SYT1: variants seen among roughly 807,000 people sequenced by gnomAD.
SYT1 encodes the protein synaptotagmin-1.
A neutral mutation model predicts 44.8 loss-of-function variants in SYT1; 8 were observed. The ratio of observed to expected loss-of-function variants is 0.18; its 90% confidence interval spans 0.10 to 0.32. The LOEUF (loss-of-function observed/expected upper bound fraction) is 0.32. SYT1 is among the 10% of genes least tolerant of loss of function. The probability of loss-of-function intolerance (pLI) is 1.00; values close to 1 mark genes in which losing one functional copy is unlikely to be tolerated. For missense variants in SYT1, 286 were observed against 509.3 expected (o/e 0.56, Z 4.22); for synonymous variants, 154 against 188.8 (o/e 0.82, Z 1.51).
At chr12:79,066,586 C>T (rs1285463795) in intron 3 of SYT1, among the ~76,000 whole-genome samples, 2 of 151,746 alleles carry the variant, frequency 1.3e-5, no homozygotes, top group Non-Finnish European at 2.9e-5. Context: ...AATGGCATTA[C>T]CTTGCAGTAA....
At chr12:78,933,923 CAT>C (rs904415312) in intron 1 of SYT1, among the ~76,000 whole-genome samples, 8 of 152,000 alleles carry the variant, frequency 5.3e-5, no homozygotes, top group Non-Finnish European at 1.0e-4. Flanking sequence ...TTTCCAGAAA[CAT>C]AGGAATCTCA....
intron 2 of SYT1, among the ~76,000 whole-genome samples, chr12:79,024,116 T>C (rs1872370880): frequency 6.6e-6 from 1 of 151,720 alleles, no homozygotes; most frequent in African/African-American, 2.4e-5. Context: ...GGCAAACAGA[T>C]GGAAATGCAT....
At chr12:79,370,687 C>G (rs958237656) in intron 9 of SYT1, among the ~76,000 whole-genome samples, 1 of 151,974 alleles carries the variant, frequency 6.6e-6, no homozygotes. Flanking sequence ...GGCGTGAACC[C>G]GGGAGGCGGA....
At chr12:79,140,933 C>T (rs572745719) in intron 3 of SYT1, among the ~76,000 whole-genome samples, 5 of 152,228 alleles carry the variant, frequency 3.3e-5, no homozygotes, top group African/African-American at 1.2e-4. Context: ...CTCAGCTTGC[C>T]GACATCTGAA....
At chr12:78,875,495 G>A (rs1345285935) in intron 1 of SYT1, among the ~76,000 whole-genome samples, 2 of 151,614 alleles carry the variant, frequency 1.3e-5, no homozygotes, top group Non-Finnish European at 3.0e-5. Flanking sequence ...GTAACTATCA[G>A]GGGAAAGCAC....
At chr12:78,948,951 GC>G (rs1878814032) in intron 1 of SYT1, among the ~76,000 whole-genome samples, 1 of 125,966 alleles carries the variant, frequency 7.9e-6, no homozygotes, top group African/African-American at 2.9e-5. Flanking sequence ...AAAAATCAAG[GC>G]CTATTATATT....
At chr12:79,388,458 G>C (rs1189763725) in intron 9 of SYT1, among the ~76,000 whole-genome samples, 1 of 152,084 alleles carries the variant, frequency 6.6e-6, no homozygotes, top group Non-Finnish European at 1.5e-5. Flanking sequence ...ACTTTGGGAG[G>C]GTGAGGTGGG....
intron 2 of SYT1, among the ~76,000 whole-genome samples, chr12:78,993,628 G>T (rs1870168175): frequency 6.6e-6 from 1 of 152,106 alleles, no homozygotes; most frequent in Non-Finnish European, 1.5e-5. Context: ...TTTATTTTAA[G>T]CCACATTAAA....
At chr12:78,871,861 C>T (rs546167358) in intron 1 of SYT1, among the ~76,000 whole-genome samples, 18 of 151,678 alleles carry the variant, frequency 1.2e-4, no homozygotes, top group African/African-American at 2.7e-4. Context: ...TCTAGAGCAC[C>T]GAGACCTCTT....
intron 1 of SYT1, among the ~76,000 whole-genome samples, chr12:78,966,025 T>C (rs1432588807): frequency 6.7e-6 from 1 of 148,434 alleles, no homozygotes; most frequent in African/African-American, 2.5e-5. Flanking sequence ...TGCAGTGAGA[T>C]GAGACCACGC....
intron 1 of SYT1, among the ~76,000 whole-genome samples, chr12:78,896,536 A>G (rs902952714): frequency 6.6e-6 from 1 of 151,814 alleles, no homozygotes; most frequent in Non-Finnish European, 1.5e-5. Flanking sequence ...GAGAACAAAC[A>G]TATTCTGAAA....
chr12:78,973,941 ATATAT>A (rs1565744019), intron 1 of SYT1, among the ~76,000 whole-genome samples: 52 of 10,680 alleles, frequency 4.9e-3, no homozygotes, highest in African/African-American at 5.3e-3. Context: ...AAAAAAAAAT[ATATAT>A]ATATATATAT....
At chr12:79,130,156 G>T (rs1264209106) in intron 3 of SYT1, among the ~76,000 whole-genome samples, 2 of 152,116 alleles carry the variant, frequency 1.3e-5, no homozygotes, top group Admixed American at 6.5e-5. Context: ...CATCTGGAAA[G>T]AATATTTTTT....
intron 9 of SYT1, among the ~76,000 whole-genome samples, chr12:79,426,862 T>G (rs373410740): frequency 1.3e-5 from 2 of 152,202 alleles, no homozygotes; most frequent in African/African-American, 4.8e-5. Flanking sequence ...GTGAAGGTAA[T>G]TGAATCATTG....
At chr12:79,226,758 A>G (rs962794234) in intron 4 of SYT1, among the ~76,000 whole-genome samples, 4 of 152,192 alleles carry the variant, frequency 2.6e-5, no homozygotes, top group South Asian at 2.1e-4. Flanking sequence ...CCATTTATTA[A>G]AAGTGTGTAA....
Position 79,080,922 on chromosome 12 carries a change from A to G in SYT1, c.-18+33560A>G, listed in dbSNP as rs185449749. On this transcript the variant is annotated intron_variant, in intron 3 of 10. Transcript: ENST00000261205. ...ATGGATGTGAGATTGGAGAGTGTCT[A>G]CAGCCAAGACATGGGTTTATGATAA... 3.3e-5 allele frequency among the ~76,000 whole-genome samples: 5 copies of G among 152,288 alleles called. No individual in the cohort carries two copies. In the East Asian group the frequency reaches 9.7e-4, roughly 29 times the overall value.
intron 8 of SYT1, among the ~76,000 whole-genome samples, chr12:79,300,795 A>T (rs868068830): frequency 0.012 from 1,551 of 131,324 alleles, 51 homozygotes; most frequent in African/African-American, 0.043. Flanking sequence ...CTTATTATAT[A>T]TATATATATA....
chr12:79,153,034 C>G (rs965951902), intron 3 of SYT1, among the ~76,000 whole-genome samples: 4 of 151,862 alleles, frequency 2.6e-5, no homozygotes, highest in Admixed American at 2.6e-4. Flanking sequence ...CTACATTAAT[C>G]TTGACAATAA....
intron 8 of SYT1, among the ~76,000 whole-genome samples, chr12:79,334,481 G>A (rs1162532073): frequency 2.0e-5 from 3 of 152,116 alleles, no homozygotes; most frequent in Non-Finnish European, 2.9e-5. Context: ...AAGGCTCGGC[G>A]AGGATATGAC....
Sources: gnomAD v4.1 joint callset for allele counts (sites outside exome capture counted in the v4.1 genomes callset) on GRCh38, gnomAD v4.1.1 for gene constraint, MANE v1.5 for transcripts, NCBI Gene and HGNC (gene_info 2026-07-23, HGNC 2026-07-21) for gene names.